CLDN14: variants seen among roughly 807,000 people sequenced by gnomAD.
CLDN14 encodes the protein claudin 14.
CLDN14 carries 2 observed loss-of-function variants against 2.1 expected under a neutral mutation model. The ratio of observed to expected loss-of-function variants is 0.96; its 90% confidence interval spans 0.39 to 3.01. The LOEUF is 3.01. Ranked by LOEUF, CLDN14 falls within the 30% of genes most tolerant of loss-of-function variation. The pLI is 0.09. For missense variants in CLDN14, 298 were observed against 328.0 expected, an observed-to-expected ratio of 0.91 and a Z score of 0.71; for synonymous variants, 136 against 154.4, an observed-to-expected ratio of 0.88 and a Z score of 0.88.
chr21:36,564,850 C>G (rs898500414), intron 1 of CLDN14, among the ~76,000 whole-genome samples: 6 of 152,170 alleles, frequency 3.9e-5, no homozygotes, highest in African/African-American at 1.4e-4. Context: ...GTGAGAAAGA[C>G]TTGACCACCT....
intron 2 of CLDN14, among the ~76,000 whole-genome samples, chr21:36,488,313 C>CT (rs1355567808): frequency 6.9e-6 from 1 of 144,778 alleles, no homozygotes; most frequent in East Asian, 2.0e-4. Flanking sequence ...CACTCTGTTG[C>CT]CAGGCTGGAG....
intron 1 of CLDN14, among the ~76,000 whole-genome samples, chr21:36,539,516 G>C (rs1291812102): frequency 6.8e-6 from 1 of 147,016 alleles, no homozygotes; most frequent in Non-Finnish European, 1.5e-5. Context: ...TGGAGTGAGT[G>C]TATGCAGAGT....
chr21:36,526,960 C>T (rs1304551190), intron 1 of CLDN14, among the ~76,000 whole-genome samples: 1 of 152,228 alleles, frequency 6.6e-6, no homozygotes, highest in Non-Finnish European at 1.5e-5. Flanking sequence ...ACCATCAAAG[C>T]ACTGGGTTCC....
chr21:36,561,689 T>A (rs1173531700), intron 1 of CLDN14, among the ~76,000 whole-genome samples: 2 of 152,214 alleles, frequency 1.3e-5, no homozygotes, highest in East Asian at 3.8e-4. Flanking sequence ...TCTTCTCTAC[T>A]CACTTCAATG....
At chr21:36,491,383 C>T (rs1385156347) in intron 2 of CLDN14, among the ~76,000 whole-genome samples, 2 of 152,174 alleles carry the variant, frequency 1.3e-5, no homozygotes, top group African/African-American at 2.4e-5. Context: ...AAGCAACACA[C>T]AAAGCTTTCA....
intron 1 of CLDN14, among the ~76,000 whole-genome samples, chr21:36,550,611 G>A (rs2087557100): frequency 6.6e-6 from 1 of 152,134 alleles, no homozygotes; most frequent in African/African-American, 2.4e-5. Flanking sequence ...CCCACCACAG[G>A]CCTGGATCAC....
At chr21:36,465,619 C>T (rs1434855956) in intron 1 of CLDN14, among the ~76,000 whole-genome samples, 1 of 152,198 alleles carries the variant, frequency 6.6e-6, no homozygotes. Context: ...CATAAAATTC[C>T]TCCGTGATGC....
intron 1 of CLDN14, among the ~76,000 whole-genome samples, chr21:36,471,906 G>A (rs1339527412): frequency 6.6e-6 from 1 of 152,074 alleles, no homozygotes; most frequent in African/African-American, 2.4e-5. Flanking sequence ...TTAAACATGA[G>A]GTTTAAAACT....
intron 1 of CLDN14, among the ~76,000 whole-genome samples, chr21:36,518,959 C>A (rs1327410513): frequency 6.6e-6 from 1 of 152,202 alleles, no homozygotes; most frequent in Non-Finnish European, 1.5e-5. Flanking sequence ...TGAACTATTT[C>A]TCTCCCAGTT....
chr21:36,476,809 C>T (rs565590175), intron 1 of CLDN14, among the ~76,000 whole-genome samples: 24 of 152,362 alleles, frequency 1.6e-4, no homozygotes, highest in East Asian at 1.2e-3. Flanking sequence ...CATACACTCA[C>T]AGTGGTGAGA....
intron 1 of CLDN14, among the ~76,000 whole-genome samples, chr21:36,526,987 A>G (rs1025718218): frequency 6.6e-6 from 1 of 152,300 alleles, no homozygotes; most frequent in East Asian, 1.9e-4. Flanking sequence ...TTTTGGCCAC[A>G]CTCAGTAGTA....
intron 2 of CLDN14, among the ~76,000 whole-genome samples, chr21:36,495,118 A>G (rs1453630936): frequency 6.6e-6 from 1 of 152,178 alleles, no homozygotes; most frequent in African/African-American, 2.4e-5. Flanking sequence ...ACCTGAAGTC[A>G]GGAGTTCGAG....
chr21:36,513,554 C>A (rs757997055), intron 1 of CLDN14, among the ~76,000 whole-genome samples: 4 of 152,208 alleles, frequency 2.6e-5, no homozygotes, highest in African/African-American at 9.7e-5. Context: ...AACTCACATG[C>A]CAGTCACAGG....
rs776564488 is a variant in CLDN14, at chr21:36,461,269, C to T, written c.427G>A (p.Val143Met). 3.4e-5 allele frequency: 55 copies of T among 1,613,768 alleles called. No homozygotes were observed. Among genetic ancestry groups the T allele is most frequent in the South Asian group, 1.9e-4 (17 of 91,092 alleles). The stretch of plus-strand genomic sequence containing the variant: ...AGCGGGTTGTAGAAGTTCTGCACCA[C>T]GTCGTTGGTGGTCCAGGAGACGGCC... ...MVAVSWTTND[V>M]VQNFYNPLLP... The change falls in exon 2 of 2, where the codon GTG (valine) becomes ATG (methionine). Residue 143 changes from valine to methionine, a missense_variant. Val to Met is a conservative substitution (Grantham distance 21). Transcript: ENST00000399135.
At chr21:36,568,037 A>C (rs1227726835) in intron 1 of CLDN14, among the ~76,000 whole-genome samples, 1 of 152,226 alleles carries the variant, frequency 6.6e-6, no homozygotes, top group African/African-American at 2.4e-5. Flanking sequence ...GGTCTAGAGA[A>C]AGGCAACCGG....
At chr21:36,500,589 G>A (rs1269896301) in intron 2 of CLDN14, among the ~76,000 whole-genome samples, 5 of 152,080 alleles carry the variant, frequency 3.3e-5, no homozygotes, top group Non-Finnish European at 5.9e-5. Context: ...GTGCCACCAT[G>A]CCTGGCTAAT....
intron 1 of CLDN14, among the ~76,000 whole-genome samples, chr21:36,564,296 G>A (rs1168570326): frequency 6.6e-6 from 1 of 152,232 alleles, no homozygotes; most frequent in African/African-American, 2.4e-5. Context: ...TTAAATTTAT[G>A]TGCAAGGGTG....
chr21:36,462,902 A>C (rs1022724274), intron 1 of CLDN14, among the ~76,000 whole-genome samples: 2 of 151,400 alleles, frequency 1.3e-5, no homozygotes, highest in African/African-American at 4.9e-5. Context: ...TGGGCGACAG[A>C]GTAAGACTCC....
intron 2 of CLDN14, among the ~76,000 whole-genome samples, chr21:36,490,248 A>G (rs1418911136): frequency 1.3e-5 from 2 of 152,136 alleles, no homozygotes; most frequent in East Asian, 3.8e-4. Flanking sequence ...CTGTTGCCCA[A>G]GCTGGAGTGC....
Sources: allele counts gnomAD v4.1 joint callset (sites outside exome capture counted in the v4.1 genomes callset), GRCh38; gene constraint gnomAD v4.1.1; transcripts MANE v1.5; gene names NCBI Gene and HGNC (gene_info 2026-07-23, HGNC 2026-07-21).